Variants in TMEM116 observed in about 807,000 individuals in gnomAD.
The protein encoded by TMEM116 is transmembrane protein 116.
Under a neutral mutation model 44.3 loss-of-function variants are expected in TMEM116, and 38 were observed. The observed-to-expected ratio is 0.86, with a 90% CI of 0.66 to 1.12. TMEM116 has a LOEUF of 1.12. TMEM116 is among the 50% of genes most tolerant of loss of function. The pLI, the probability that TMEM116 is intolerant of heterozygous loss-of-function variation, is 0.00. For synonymous variants in TMEM116, 132 were observed against 144.8 expected, an observed-to-expected ratio of 0.91 and a Z score of 0.64; for missense variants, 354 against 401.7, an observed-to-expected ratio of 0.88 and a Z score of 1.01.
intron 4 of TMEM116, among the ~76,000 whole-genome samples, chr12:111,954,083 T>C (rs1464482358): frequency 6.6e-6 from 1 of 152,144 alleles, no homozygotes; most frequent in East Asian, 1.9e-4. Context: ...AAAAAATCTA[T>C]TTTTTGCTAT....
intron 3 of TMEM116, among the ~76,000 whole-genome samples, chr12:111,998,775 C>T (rs2077063126): frequency 1.3e-5 from 2 of 152,016 alleles, no homozygotes; most frequent in African/African-American, 2.4e-5. Flanking sequence ...GAGCTGAGAT[C>T]ACACCACTGC....
intron 5 of TMEM116, 127 bp downstream of exon 5, chr12:111,943,138 G>A (rs1345765498): frequency 2.2e-5 from 16 of 736,506 alleles, no homozygotes; most frequent in Non-Finnish European, 3.3e-5. Context: ...TGCCCAGACT[G>A]GCCTCGAATT....
At chr12:111,954,787 C>T (rs1371407617) in intron 4 of TMEM116, among the ~76,000 whole-genome samples, 2 of 152,210 alleles carry the variant, frequency 1.3e-5, no homozygotes, top group African/African-American at 4.8e-5. Flanking sequence ...GCTGATGGCA[C>T]TTCAACTTGT....
intron 5 of TMEM116, among the ~76,000 whole-genome samples, chr12:111,941,594 C>G (rs936040722): frequency 6.6e-6 from 1 of 152,154 alleles, no homozygotes; most frequent in Non-Finnish European, 1.5e-5. Context: ...AGCTACTGAA[C>G]TAGACTGTGA....
At chr12:111,966,314 A>G (rs2074981398) in intron 4 of TMEM116, among the ~76,000 whole-genome samples, 1 of 152,166 alleles carries the variant, frequency 6.6e-6, no homozygotes, top group South Asian at 2.1e-4. Context: ...TCAAAAAAAA[A>G]CAAAGAAGAA....
At chr12:111,997,554 T>C (rs1315439627) in intron 3 of TMEM116, among the ~76,000 whole-genome samples, 1 of 151,782 alleles carries the variant, frequency 6.6e-6, no homozygotes, top group African/African-American at 2.4e-5. Flanking sequence ...AATCCTGTTA[T>C]CTAAAAAAAA....
At chr12:111,995,293 A>G (rs1454937293) in intron 3 of TMEM116, among the ~76,000 whole-genome samples, 5 of 152,106 alleles carry the variant, frequency 3.3e-5, no homozygotes, top group African/African-American at 1.2e-4. Context: ...AAACCCAGCA[A>G]TATATATATA....
chr12:111,964,134 G>A (rs1168296218), intron 4 of TMEM116, among the ~76,000 whole-genome samples: 3 of 146,250 alleles, frequency 2.1e-5, no homozygotes, highest in Admixed American at 6.8e-5. Flanking sequence ...TGAATTTCAG[G>A]TTAAAAAAAA....
At chr12:111,956,130 A>AT (rs2074069869) in intron 4 of TMEM116, among the ~76,000 whole-genome samples, 2 of 152,148 alleles carry the variant, frequency 1.3e-5, no homozygotes, top group Admixed American at 6.5e-5. Flanking sequence ...GTGAAGTGGC[A>AT]TAAGCGTGCT....
At chr12:111,948,996 T>G (rs995083117) in intron 4 of TMEM116, among the ~76,000 whole-genome samples, 1 of 141,876 alleles carries the variant, frequency 7.0e-6, no homozygotes, top group African/African-American at 2.7e-5. Context: ...CTCAGGAGGC[T>G]GAGGTGGTGG....
At chr12:111,994,503 T>C (rs1456059472) in intron 3 of TMEM116, among the ~76,000 whole-genome samples, 1 of 152,168 alleles carries the variant, frequency 6.6e-6, no homozygotes, top group African/African-American at 2.4e-5. Flanking sequence ...CATTTATTAT[T>C]AAGTTTAGTG....
intron 1 of TMEM116, among the ~76,000 whole-genome samples, chr12:112,008,433 T>G (rs1042786462): frequency 6.6e-6 from 1 of 150,822 alleles, no homozygotes; most frequent in Non-Finnish European, 1.5e-5. Flanking sequence ...TGAGCCAAGA[T>G]CATGCCACTG....
chr12:112,012,768 G>C (rs1364714447), intron 1 of TMEM116: 3 of 152,486 alleles, frequency 2.0e-5, no homozygotes, highest in Non-Finnish European at 2.9e-5. Flanking sequence ...AGAATGATTA[G>C]AATTGCGTCT....
At chr12:111,968,992 C>CA (rs1176204219) in intron 4 of TMEM116, among the ~76,000 whole-genome samples, 7,605 of 44,372 alleles carry the variant, frequency 0.17, 806 homozygotes, top group East Asian at 0.65. Context: ...GACTCTATCT[C>CA]AAAAAAAAAA....
intron 4 of TMEM116, among the ~76,000 whole-genome samples, chr12:111,982,303 C>T (rs978844469): frequency 7.0e-6 from 1 of 143,804 alleles, no homozygotes; most frequent in South Asian, 2.2e-4. Context: ...TAAATGCATA[C>T]CTTTTTTTTT....
intron 4 of TMEM116, among the ~76,000 whole-genome samples, chr12:111,990,257 A>C (rs1431507257): frequency 1.4e-5 from 2 of 139,442 alleles, no homozygotes; most frequent in Non-Finnish European, 3.0e-5. Flanking sequence ...TCCGCCTCAA[A>C]AAAAAAAAAA....
At chr12:112,003,344 G>A (rs1456051211) in intron 3 of TMEM116, among the ~76,000 whole-genome samples, 3 of 152,084 alleles carry the variant, frequency 2.0e-5, no homozygotes, top group African/African-American at 7.2e-5. Context: ...CAAGGCAGGC[G>A]GATCATGAGA....
chr12:111,983,242 C>T (rs1183566864), intron 4 of TMEM116, among the ~76,000 whole-genome samples: 2 of 152,122 alleles, frequency 1.3e-5, no homozygotes, highest in Admixed American at 1.3e-4. Context: ...CTGAGACCAG[C>T]CTGACCAATA....
chr12:111,939,633 C>T (rs1368052866), intron 5 of TMEM116, among the ~76,000 whole-genome samples: 4 of 149,588 alleles, frequency 2.7e-5, no homozygotes, highest in East Asian at 3.9e-4. Flanking sequence ...CCTCCTACTC[C>T]GCCCATCTCT....
Sources: allele counts gnomAD v4.1 joint callset (sites outside exome capture counted in the v4.1 genomes callset), GRCh38; gene constraint gnomAD v4.1.1; transcripts MANE v1.5; gene names NCBI Gene and HGNC (gene_info 2026-07-23, HGNC 2026-07-21).